The following ZMYND8 variants were observed in gnomAD, a reference collection of about 807,000 sequenced individuals.
The protein encoded by ZMYND8 is MYND-type zinc finger-containing chromatin reader ZMYND8.
In ZMYND8, 37 loss-of-function variants were observed where a neutral mutation model predicts 140.8. The ratio of observed to expected loss-of-function variants is 0.26; its 90% CI spans 0.20 to 0.35. ZMYND8 has a LOEUF of 0.35. ZMYND8 is among the 10% of genes least tolerant of loss of function. ZMYND8 has a pLI of 1.00. For missense variants in ZMYND8, 1,068 were observed against 1,570.0 expected (o/e 0.68, Z 5.40); for synonymous variants, 592 against 597.1 (o/e 0.99, Z 0.12).
intron 1 of ZMYND8, chr20:47,355,789 AT>A (rs11475036): frequency 0.19 from 23,164 of 122,906 alleles, 2,655 homozygotes; most frequent in African/African-American, 0.38. Flanking sequence ...ATCCTTGCAG[AT>A]TTTTTTTTTT....
At chr20:47,303,455 C>T (rs771167355) in intron 3 of ZMYND8, among the ~76,000 whole-genome samples, 1 of 152,098 alleles carries the variant, frequency 6.6e-6, no homozygotes, top group Non-Finnish European at 1.5e-5. Flanking sequence ...CAGTGGCTCA[C>T]GCCTGTAATC....
At chr20:47,305,501 A>G (rs1025587043) in intron 3 of ZMYND8, among the ~76,000 whole-genome samples, 1 of 151,824 alleles carries the variant, frequency 6.6e-6, no homozygotes, top group Non-Finnish European at 1.5e-5. Context: ...TTAGCCTCCC[A>G]AAGTGCTAGG....
chr20:47,269,944 T>C (rs552568411), intron 11 of ZMYND8, among the ~76,000 whole-genome samples: 1 of 152,178 alleles, frequency 6.6e-6, no homozygotes, highest in Admixed American at 6.5e-5. Context: ...AGAAACATAT[T>C]CAGAATACAA....
At chr20:47,303,045 TCTCCAGA>T (rs1163016618) in intron 3 of ZMYND8, among the ~76,000 whole-genome samples, 1 of 152,018 alleles carries the variant, frequency 6.6e-6, no homozygotes, top group East Asian at 1.9e-4. Flanking sequence ...ACCAAAAACG[TCTCCAGA>T]CTTTGCCCAA....
At chr20:47,220,475 ACAG>A (rs1280535949) in intron 20 of ZMYND8, 151 bp from the exon 21 acceptor site, 39 of 688,314 alleles carry the variant, frequency 5.7e-5, no homozygotes, top group Non-Finnish European at 8.8e-5. Context: ...AGTGATGGGC[ACAG>A]GGCGGCCAGG....
At chr20:47,292,616 T>TA (rs2077338839) in intron 5 of ZMYND8, among the ~76,000 whole-genome samples, 1 of 152,094 alleles carries the variant, frequency 6.6e-6, no homozygotes, top group South Asian at 2.1e-4. Context: ...CTTTTTTTTT[T>TA]AAAGATATAA....
At chr20:47,329,760 C>A (rs73304102) in intron 2 of ZMYND8, among the ~76,000 whole-genome samples, 6,044 of 152,234 alleles carry the variant, frequency 0.04, 415 homozygotes, top group African/African-American at 0.13. Flanking sequence ...TTGGACAGCA[C>A]AGCTGCAGAA....
At chr20:47,323,921 C>T (rs931113385) in intron 2 of ZMYND8, among the ~76,000 whole-genome samples, 3 of 151,912 alleles carry the variant, frequency 2.0e-5, no homozygotes, top group South Asian at 2.1e-4. Flanking sequence ...CCAAACCTGG[C>T]CGGGCGTGGT....
At chr20:47,227,835 G>A (rs2037913434) in intron 17 of ZMYND8, among the ~76,000 whole-genome samples, 2 of 152,190 alleles carry the variant, frequency 1.3e-5, no homozygotes. Flanking sequence ...GCTCGCGCCT[G>A]TAATGCTAGC....
At chr20:47,256,002 G>A (rs914840632) in intron 12 of ZMYND8, among the ~76,000 whole-genome samples, 1 of 150,162 alleles carries the variant, frequency 6.7e-6, no homozygotes, top group Non-Finnish European at 1.5e-5. Flanking sequence ...GAACCCAGGA[G>A]GTGGAGGTTG....
At chr20:47,246,976 C>T (rs1359915977) in intron 13 of ZMYND8, among the ~76,000 whole-genome samples, 1 of 152,168 alleles carries the variant, frequency 6.6e-6, no homozygotes, top group Non-Finnish European at 1.5e-5. Context: ...GGCTCCCCAC[C>T]AACACTCTTC....
chr20:47,313,614 G>A lies in ZMYND8; in HGVS notation c.86-3410C>T, dbSNP rs564059176. Reference sequence around the variant, plus strand: ...TCCAACCTGGGCAACAGAGGGGTGAGACTCCATCTCAAAAAAATAATAATA... The same window carrying A: ...TCCAACCTGGGCAACAGAGGGGTGAAACTCCATCTCAAAAAAATAATAATA... On this transcript the variant is annotated intron_variant, in intron 2 of 22. Coordinates refer to ENST00000471951, the MANE Select transcript of ZMYND8 (RefSeq NM_001281775.3). 1.4e-4 allele frequency among the ~76,000 whole-genome samples: 21 copies of A among 146,534 alleles called. No individual in the cohort carries two copies. The East Asian group carries it at 4.2e-3, about 29-fold the overall frequency.
chr20:47,315,676 C>G (rs942434424), intron 2 of ZMYND8, among the ~76,000 whole-genome samples: 1 of 152,122 alleles, frequency 6.6e-6, no homozygotes, highest in South Asian at 2.1e-4. Context: ...TTAATTCTGA[C>G]AAGGATGTAT....
intron 13 of ZMYND8, among the ~76,000 whole-genome samples, chr20:47,248,906 G>C (rs1222239947): frequency 6.6e-6 from 1 of 152,202 alleles, no homozygotes; most frequent in African/African-American, 2.4e-5. Context: ...CCAGTCTGGA[G>C]GGAAAGGGTT....
chr20:47,328,648 G>C (rs1434271633), intron 2 of ZMYND8, among the ~76,000 whole-genome samples: 2 of 152,124 alleles, frequency 1.3e-5, no homozygotes, highest in Non-Finnish European at 2.9e-5. Context: ...ATTTTTAGTA[G>C]AGACAGGGTT....
chr20:47,308,017 C>T (rs923205506), intron 3 of ZMYND8, among the ~76,000 whole-genome samples: 3 of 150,208 alleles, frequency 2.0e-5, no homozygotes, highest in African/African-American at 7.3e-5. Context: ...ACTCGGGAGG[C>T]TGAGGCAGAA....
intron 2 of ZMYND8, among the ~76,000 whole-genome samples, chr20:47,323,455 G>C (rs1294908666): frequency 6.6e-6 from 1 of 151,882 alleles, no homozygotes; most frequent in African/African-American, 2.4e-5. Flanking sequence ...CAAACTTCTG[G>C]GGTCAAGTGA....
intron 21 of ZMYND8, 147 bp downstream of exon 21, chr20:47,220,111 C>T: frequency 1.5e-6 from 1 of 671,966 alleles, no homozygotes; most frequent in South Asian, 1.9e-5. Flanking sequence ...CCCCTCACCC[C>T]CACTGACCCA....
intron 2 of ZMYND8, among the ~76,000 whole-genome samples, chr20:47,324,313 T>G (rs1424345212): frequency 2.0e-5 from 3 of 151,746 alleles, no homozygotes; most frequent in Non-Finnish European, 2.9e-5. Context: ...AGTCAGGAGT[T>G]CGAGACCAGC....
Sources: allele counts gnomAD v4.1 joint callset (sites outside exome capture counted in the v4.1 genomes callset), GRCh38; gene constraint gnomAD v4.1.1; transcripts MANE v1.5; gene names NCBI Gene and HGNC (gene_info 2026-07-23, HGNC 2026-07-21).